LRP1B: variants seen among roughly 807,000 people sequenced by gnomAD.
The protein encoded by LRP1B is LDL receptor related protein 1B.
Under a neutral mutation model 556.6 loss-of-function variants are expected in LRP1B, and 217 were observed. That is an observed-to-expected ratio of 0.39 (90% CI 0.35 to 0.44). The LOEUF (loss-of-function observed/expected upper bound fraction) is 0.44, where lower values mean the gene tolerates loss of function less well. LRP1B is among the 20% of genes least tolerant of loss of function. The probability of loss-of-function intolerance (pLI) is 1.00; values close to 1 mark genes in which losing one functional copy is unlikely to be tolerated. For missense variants in LRP1B, 5,053 were observed against 5,620.8 expected, an observed-to-expected ratio of 0.90 and a Z score of 3.23; for synonymous variants, 2,047 against 1,865.8, an observed-to-expected ratio of 1.10 and a Z score of -2.50.
At chr2:141,289,454 A>C (rs1685859546) in intron 3 of LRP1B, among the ~76,000 whole-genome samples, 1 of 151,716 alleles carries the variant, frequency 6.6e-6, no homozygotes. Flanking sequence ...TAATAATCTC[A>C]CATAAATTAC....
At chr2:140,755,359 T>C (rs1468948898) in intron 35 of LRP1B, among the ~76,000 whole-genome samples, 1 of 151,858 alleles carries the variant, frequency 6.6e-6, no homozygotes, top group East Asian at 1.9e-4. Flanking sequence ...AATGATACCA[T>C]AAGAAAGAAA....
chr2:142,130,503 C>G (rs997469620), intron 1 of LRP1B, 145 bp downstream of exon 1: 13 of 661,988 alleles, frequency 2.0e-5, no homozygotes, highest in East Asian at 1.4e-4. Context: ...CTCTCACCCC[C>G]GCACAGGGCC....
At chr2:140,807,907 C>A (rs1259027509) in intron 32 of LRP1B, among the ~76,000 whole-genome samples, 2 of 151,968 alleles carry the variant, frequency 1.3e-5, no homozygotes, top group Non-Finnish European at 2.9e-5. Flanking sequence ...GCCTAGCCAA[C>A]ATGGTGAAAC....
intron 25 of LRP1B, among the ~76,000 whole-genome samples, chr2:140,872,229 A>C (rs1470567302): frequency 6.6e-6 from 1 of 151,824 alleles, no homozygotes; most frequent in Non-Finnish European, 1.5e-5. Flanking sequence ...GGAGTTCCTC[A>C]AAGAAAACAG....
intron 3 of LRP1B, among the ~76,000 whole-genome samples, chr2:141,382,608 A>G (rs1689682316): frequency 6.6e-6 from 1 of 152,224 alleles, no homozygotes; most frequent in Non-Finnish European, 1.5e-5. Flanking sequence ...GCTGGCCTTC[A>G]TCTCACAGCA....
In LRP1B at chr2:140,601,625, C is replaced by A. The variant is rs1279445028; in HGVS notation, c.6814G>T (p.Glu2272Ter). ...QVIVENVGSV[E>*]GLAYHRAWDT... ...CAGGCTCTGTGATAGGCAAGTCCTT[C>A]CACAGAACCCACATCTAGTGGGGGA... The change falls in exon 42 of 91, where the codon GAA (glutamate) becomes TAA (stop). Residue 2272 changes from glutamate (E) to a stop codon, truncating the protein, a stop_gained. Coordinates refer to ENST00000389484, the MANE Select transcript of LRP1B (RefSeq NM_018557.3). LOFTEE classifies it high-confidence loss of function. 6.3e-7 allele frequency: 1 copy of A among 1,583,084 alleles called. No individual in the cohort carries two copies. Among genetic ancestry groups the A allele is most frequent in the Non-Finnish European group, 8.6e-7 (1 of 1,161,602 alleles).
intron 8 of LRP1B, among the ~76,000 whole-genome samples, chr2:141,060,787 G>A (rs1478228768): frequency 6.6e-6 from 1 of 151,704 alleles, no homozygotes; most frequent in Non-Finnish European, 1.5e-5. Flanking sequence ...CTAGGCAGAG[G>A]TAGGAGAAGC....
intron 83 of LRP1B, among the ~76,000 whole-genome samples, chr2:140,303,611 G>A (rs908515687): frequency 1.3e-5 from 2 of 151,920 alleles, no homozygotes; most frequent in African/African-American, 4.8e-5. Context: ...ATATGGTGAA[G>A]ATGTAATTAA....
At chr2:142,020,724 T>A (rs1246519200) in intron 1 of LRP1B, among the ~76,000 whole-genome samples, 1 of 151,740 alleles carries the variant, frequency 6.6e-6, no homozygotes, top group East Asian at 1.9e-4. Flanking sequence ...AATAAATAAA[T>A]AAAAAAAAGC....
intron 1 of LRP1B, among the ~76,000 whole-genome samples, chr2:141,863,593 G>A (rs565629184): frequency 1.3e-5 from 2 of 152,184 alleles, no homozygotes; most frequent in African/African-American, 2.4e-5. Context: ...TTTGTGACAG[G>A]AGATCAACAA....
rs138934525 is a variant in LRP1B, at chr2:141,459,125, A to C, written c.343+21271T>G. 6.6e-4 allele frequency among the ~76,000 whole-genome samples: 100 copies of C among 152,276 alleles called. No homozygotes were observed. In the East Asian group the frequency reaches 8.1e-3, roughly 12 times the overall value. On this transcript the variant is annotated intron_variant, in intron 3 of 90. Coordinates refer to ENST00000389484, the MANE Select transcript of LRP1B (RefSeq NM_018557.3). The stretch of plus-strand genomic sequence containing the variant: ...AGGACAGTATGTTCAATACTTACCT[A>C]GCTGAAAAAGCTCCCAGCGAACCTG...
intron 82 of LRP1B, among the ~76,000 whole-genome samples, chr2:140,315,900 G>A (rs1015504417): frequency 6.6e-6 from 1 of 152,030 alleles, no homozygotes; most frequent in Non-Finnish European, 1.5e-5. Flanking sequence ...ATTGAGATTT[G>A]GTACAAGTTG....
chr2:141,842,415 C>T (rs1186533831), intron 1 of LRP1B, among the ~76,000 whole-genome samples: 3 of 151,930 alleles, frequency 2.0e-5, no homozygotes, highest in South Asian at 4.1e-4. Context: ...CGATTTGAAC[C>T]TTACTTTTCA....
At chr2:141,237,281 G>A (rs1207965597) in intron 5 of LRP1B, among the ~76,000 whole-genome samples, 1 of 151,406 alleles carries the variant, frequency 6.6e-6, no homozygotes, top group Non-Finnish European at 1.5e-5. Context: ...AGAAGATGAT[G>A]ATTTCAGTGT....
At chr2:141,521,554 C>G (rs541904987) in intron 2 of LRP1B, among the ~76,000 whole-genome samples, 3 of 151,504 alleles carry the variant, frequency 2.0e-5, no homozygotes, top group Non-Finnish European at 2.9e-5. Flanking sequence ...GAGTATTGAT[C>G]CTGCCAGTTG....
At chr2:141,995,535 C>G (rs1037882634) in intron 1 of LRP1B, among the ~76,000 whole-genome samples, 1 of 152,102 alleles carries the variant, frequency 6.6e-6, no homozygotes, top group Non-Finnish European at 1.5e-5. Flanking sequence ...TATCTTAATT[C>G]CCTTTTACCT....
intron 2 of LRP1B, among the ~76,000 whole-genome samples, chr2:141,492,778 G>A (rs1683380541): frequency 6.6e-6 from 1 of 152,094 alleles, no homozygotes; most frequent in South Asian, 2.1e-4. Flanking sequence ...AAAAGTCATA[G>A]GATGATACAA....
chr2:141,919,888 T>C (rs890537168), intron 1 of LRP1B, among the ~76,000 whole-genome samples: 2 of 151,970 alleles, frequency 1.3e-5, no homozygotes, highest in East Asian at 1.9e-4. Flanking sequence ...ATATAACTAG[T>C]TCACAAAAAA....
intron 3 of LRP1B, among the ~76,000 whole-genome samples, chr2:141,280,369 G>C: frequency 6.6e-6 from 1 of 151,932 alleles, no homozygotes; most frequent in South Asian, 2.1e-4. Context: ...GTCTTTTGAT[G>C]TCCCTAACAT....
Sources: gnomAD v4.1 joint callset for allele counts (sites outside exome capture counted in the v4.1 genomes callset) on GRCh38, gnomAD v4.1.1 for gene constraint, MANE v1.5 for transcripts, NCBI Gene and HGNC (gene_info 2026-07-23, HGNC 2026-07-21) for gene names.